ARHGAP17: variants seen among roughly 807,000 people sequenced by gnomAD.
ARHGAP17 encodes the protein rho GTPase-activating protein 17.
Under a neutral mutation model 99.5 loss-of-function variants are expected in ARHGAP17, and 57 were observed. The observed-to-expected ratio is 0.57, with a 90% confidence interval of 0.46 to 0.71. The LOEUF (loss-of-function observed/expected upper bound fraction) is 0.71. Among genes scored for constraint, ARHGAP17 ranks in the 30% least tolerant of loss-of-function variants. The pLI, the probability that ARHGAP17 is intolerant of heterozygous loss-of-function variation, is 0.00. For missense variants in ARHGAP17, 1,000 were observed against 1,122.4 expected, an observed-to-expected ratio of 0.89 and a Z score of 1.56; for synonymous variants, 417 against 429.6, an observed-to-expected ratio of 0.97 and a Z score of 0.36.
At chr16:24,990,235 G>A (rs908462531) in intron 1 of ARHGAP17, among the ~76,000 whole-genome samples, 8 of 152,072 alleles carry the variant, frequency 5.3e-5, no homozygotes, top group Non-Finnish European at 8.8e-5. Context: ...CTGTAATCCC[G>A]GCACTCTGGG....
rs7199435 is a variant in ARHGAP17 at position 24,955,202 on chromosome 16, T to C, written c.725-472A>G. The C allele has an allele frequency of 0.25, 37,702 of 153,860 alleles. 9,455 individuals carry two copies. The highest frequency in any genetic ancestry group is 0.65 in the African/African-American group (26,948 of 41,510). The allele number at this position is 153,860 out of a possible 1,614,324, so 9.5% of individuals were successfully genotyped here. On this transcript the variant is annotated intron_variant, in intron 9 of 19. Transcript: ENST00000289968. The surrounding 1 kb of genome is among the most constrained non-coding windows in gnomAD (Gnocchi z 4.0). ...CTGAAAATTTCAAACACAAGTTAAG[T>C]ATCTGTCATACAAGACTGGAGATGG...
intron 1 of ARHGAP17, among the ~76,000 whole-genome samples, chr16:24,989,606 G>A (rs2052977098): frequency 6.6e-6 from 1 of 151,886 alleles, no homozygotes; most frequent in African/African-American, 2.4e-5. Context: ...GGGGGAATGG[G>A]GATTAACTGT....
chr16:24,963,779 AT>A (rs1281274908), intron 7 of ARHGAP17, among the ~76,000 whole-genome samples: 6 of 152,376 alleles, frequency 3.9e-5, no homozygotes, highest in African/African-American at 1.4e-4. Flanking sequence ...TTTACTGTAT[AT>A]TAAATTTTAC....
chr16:25,000,021 C>T (rs750202659), intron 1 of ARHGAP17, among the ~76,000 whole-genome samples: 45 of 152,170 alleles, frequency 3.0e-4, no homozygotes, highest in Non-Finnish European at 3.8e-4. Context: ...CCGTTTCTCA[C>T]GTATAGGAAC....
intron 12 of ARHGAP17, among the ~76,000 whole-genome samples, chr16:24,949,733 T>C (rs1431802140): frequency 6.6e-6 from 1 of 152,194 alleles, no homozygotes; most frequent in East Asian, 1.9e-4. Flanking sequence ...TTTTGAGGCG[T>C]CTGTGACAAA....
chr16:25,014,759 G>A (rs769194141), intron 1 of ARHGAP17, among the ~76,000 whole-genome samples: 16 of 152,232 alleles, frequency 1.1e-4, no homozygotes, highest in Non-Finnish European at 1.6e-4. Context: ...CAAACAGCGG[G>A]AGCACCGGGA....
At chr16:24,997,009 A>G (rs747769629) in intron 1 of ARHGAP17, among the ~76,000 whole-genome samples, 5 of 152,238 alleles carry the variant, frequency 3.3e-5, no homozygotes, top group Non-Finnish European at 7.3e-5. Flanking sequence ...CCCACCTATA[A>G]AAGGGATAAC....
intron 19 of ARHGAP17, among the ~76,000 whole-genome samples, chr16:24,924,912 TA>T (rs1489350689): frequency 3.3e-5 from 5 of 152,110 alleles, no homozygotes; most frequent in Non-Finnish European, 7.4e-5. Flanking sequence ...GGTGTCTTTC[TA>T]AAATAACCTT....
chr16:24,987,059 G>A (rs376425113), intron 1 of ARHGAP17, among the ~76,000 whole-genome samples: 20 of 152,066 alleles, frequency 1.3e-4, no homozygotes, highest in East Asian at 9.6e-4. Context: ...AACATATTTC[G>A]GGACAAGACC....
intron 1 of ARHGAP17, among the ~76,000 whole-genome samples, chr16:24,998,610 C>G (rs113763614): frequency 1.1e-4 from 17 of 152,204 alleles, no homozygotes; most frequent in African/African-American, 4.1e-4. Context: ...CTCAGGAAAA[C>G]GGGACAGAAA....
At chr16:25,013,242 C>CT (rs2141557066) in intron 1 of ARHGAP17, among the ~76,000 whole-genome samples, 1 of 152,314 alleles carries the variant, frequency 6.6e-6, no homozygotes, top group African/African-American at 2.4e-5. Context: ...GTGGGAGAGG[C>CT]TTCCAGGAGT....
intron 1 of ARHGAP17, among the ~76,000 whole-genome samples, chr16:24,983,802 T>G (rs1342137340): frequency 6.6e-6 from 1 of 152,236 alleles, no homozygotes; most frequent in African/African-American, 2.4e-5. Flanking sequence ...TTTTTTCCTA[T>G]GAAGCTATTC....
chr16:24,970,851 T>C (rs1448089001), intron 3 of ARHGAP17, among the ~76,000 whole-genome samples: 2 of 152,134 alleles, frequency 1.3e-5, no homozygotes, highest in Admixed American at 1.3e-4. Flanking sequence ...TTATTATTGC[T>C]GTTGTTGTTG....
At chr16:24,963,818 T>C (rs1218667793) in intron 7 of ARHGAP17, among the ~76,000 whole-genome samples, 2 of 152,260 alleles carry the variant, frequency 1.3e-5, no homozygotes, top group African/African-American at 2.4e-5. Flanking sequence ...AGAAAACCTA[T>C]ACTATTTCAC....
rs145046311 is a variant in ARHGAP17, at chr16:24,993,108, A to T, written c.54-14103T>A. On this transcript the variant is annotated intron_variant, in intron 1 of 19. Transcript: ENST00000289968. Reference sequence around the variant, plus strand: ...TAAAATCTTAACGTGCTGGCATTGTAGGCATGAGCCACTGTGCCCAGCCAA... The same window carrying T: ...TAAAATCTTAACGTGCTGGCATTGTTGGCATGAGCCACTGTGCCCAGCCAA... Among the ~76,000 whole-genome samples, 838 of 152,324 alleles carry T rather than the reference A, an allele frequency of 5.5e-3. 9 individuals carry two copies. The highest frequency in any genetic ancestry group is 0.019 in the African/African-American group (790 of 41,562).
chr16:24,988,682 C>T (rs1313015470), intron 1 of ARHGAP17, among the ~76,000 whole-genome samples: 3 of 152,294 alleles, frequency 2.0e-5, no homozygotes, highest in Admixed American at 6.5e-5. Context: ...AGCTTACCCA[C>T]GCAGCGTTTT....
intron 19 of ARHGAP17, chr16:24,929,740 T>G (rs2050933177): frequency 1.3e-6 from 1 of 788,960 alleles, no homozygotes. Context: ...AGAAAAAAAG[T>G]TATTAACCAT....
chr16:24,930,011 C>T (rs975959541), intron 19 of ARHGAP17, among the ~76,000 whole-genome samples: 2 of 152,148 alleles, frequency 1.3e-5, no homozygotes, highest in Non-Finnish European at 2.9e-5. Flanking sequence ...ACTAGAAACC[C>T]CCATATTCAT....
intron 12 of ARHGAP17, among the ~76,000 whole-genome samples, chr16:24,950,836 C>CAAACAAAAA (rs1386246671): frequency 1.0e-4 from 4 of 39,434 alleles, no homozygotes; most frequent in African/African-American, 4.2e-4. Flanking sequence ...GACTCCAACT[C>CAAACAAAAA]AAAAAAAAAA....
Sources: allele counts gnomAD v4.1 joint callset (sites outside exome capture counted in the v4.1 genomes callset), GRCh38; gene constraint gnomAD v4.1.1; non-coding constraint Gnocchi (gnomAD v3.1); transcripts MANE v1.5; gene names NCBI Gene and HGNC (gene_info 2026-07-23, HGNC 2026-07-21).